Variants in HTR2B observed in about 807,000 individuals in gnomAD.
HTR2B encodes 5-HT 2B receptor.
Under a neutral mutation model 39.8 loss-of-function variants are expected in HTR2B, and 31 were observed. The ratio of observed to expected loss-of-function variants is 0.78; its 90% CI spans 0.58 to 1.05. The LOEUF (loss-of-function observed/expected upper bound fraction) is 1.05. Ranked by LOEUF, HTR2B falls within the 50% of genes least tolerant of loss-of-function variation. HTR2B has a pLI of 0.00. For synonymous variants in HTR2B, 210 were observed against 207.1 expected (o/e 1.01, Z -0.12); for missense variants, 562 against 578.0 (o/e 0.97, Z 0.28).
intron 3 of HTR2B, among the ~76,000 whole-genome samples, chr2:231,109,806 G>C (rs534456924): frequency 6.6e-6 from 1 of 152,312 alleles, no homozygotes; most frequent in South Asian, 2.1e-4. Flanking sequence ...AGTTGATCTA[G>C]AGGCACTTCA....
chr2:231,123,193 G>T (rs1236399319), intron 2 of HTR2B, among the ~76,000 whole-genome samples: 1 of 152,068 alleles, frequency 6.6e-6, no homozygotes, highest in Non-Finnish European at 1.5e-5. Flanking sequence ...GATAGCTTAG[G>T]AGGGAGAAAA....
At chr2:231,109,437 G>T in intron 3 of HTR2B, 28 bp from the exon 4 acceptor site, 1 of 1,600,512 alleles carries the variant, frequency 6.2e-7, no homozygotes, top group South Asian at 1.1e-5. Context: ...AAGATAAATT[G>T]AGTCATTTTA....
Position 231,123,611 on chromosome 2 carries a change from T to C in HTR2B, c.154A>G (p.Asn52Asp). ...EMKQIVEEQGNKLHWAALLIL... is the reference protein window; with the variant it reads ...EMKQIVEEQGDKLHWAALLIL... ...AGAAGAGCTGCCCAGTGCAGTTTAT[T>C]TCCCTGTTCCTCAACAATCTGTTTC... Residue 52 changes from asparagine to aspartate, a missense_variant, in exon 2 of 4, where the codon AAT (asparagine) becomes GAT (aspartate). Coordinates refer to ENST00000258400, the MANE Select transcript of HTR2B (RefSeq NM_000867.5). 6.2e-7 allele frequency: 1 copy of C among 1,614,160 alleles called. No homozygotes were observed. The highest frequency in any genetic ancestry group is 8.5e-7 in the Non-Finnish European group (1 of 1,179,970).
At chr2:231,113,021 C>T (rs1695207821) in intron 3 of HTR2B, among the ~76,000 whole-genome samples, 1 of 151,908 alleles carries the variant, frequency 6.6e-6, no homozygotes, top group Non-Finnish European at 1.5e-5. Context: ...AAAAATTAGC[C>T]AGGCATGGGG....
chr2:231,120,360 G>T (rs564929186), intron 2 of HTR2B, among the ~76,000 whole-genome samples: 10 of 152,268 alleles, frequency 6.6e-5, no homozygotes, highest in Non-Finnish European at 1.2e-4. Flanking sequence ...TTGTTTTCTT[G>T]CTCAAGTATT....
intron 2 of HTR2B, among the ~76,000 whole-genome samples, chr2:231,121,039 G>A (rs1695522357): frequency 1.3e-5 from 2 of 152,140 alleles, no homozygotes; most frequent in Admixed American, 1.3e-4. Flanking sequence ...TTTGAAGTTT[G>A]TTAGAGGGCA....
At chr2:231,116,078 A>G (rs1362199545) in intron 2 of HTR2B, among the ~76,000 whole-genome samples, 1 of 152,182 alleles carries the variant, frequency 6.6e-6, no homozygotes, top group Non-Finnish European at 1.5e-5. Flanking sequence ...AAATTAAGTC[A>G]GAGAAACTGG....
intron 2 of HTR2B, among the ~76,000 whole-genome samples, chr2:231,114,802 C>T (rs921159480): frequency 4.6e-5 from 7 of 152,122 alleles, no homozygotes; most frequent in African/African-American, 1.4e-4. Context: ...GATGTTCATA[C>T]ATATGTGAAT....
At chr2:231,116,022 C>T (rs1338603602) in intron 2 of HTR2B, among the ~76,000 whole-genome samples, 2 of 152,044 alleles carry the variant, frequency 1.3e-5, no homozygotes, top group Admixed American at 1.3e-4. Flanking sequence ...GTTATAGGCA[C>T]TTGGAATGTC....
At chr2:231,111,244 A>G (rs946688647) in intron 3 of HTR2B, among the ~76,000 whole-genome samples, 4 of 152,136 alleles carry the variant, frequency 2.6e-5, no homozygotes, top group African/African-American at 9.7e-5. Context: ...ACTTAGAACA[A>G]TCCCTAAGAT....
chr2:231,111,568 G>A (rs1251279855), intron 3 of HTR2B, among the ~76,000 whole-genome samples: 1 of 152,206 alleles, frequency 6.6e-6, no homozygotes, highest in Admixed American at 6.5e-5. Flanking sequence ...TCCAAAAGAA[G>A]AGAGTGAGCT....
intron 2 of HTR2B, among the ~76,000 whole-genome samples, chr2:231,122,790 T>TA (rs1315441756): frequency 6.6e-6 from 1 of 152,050 alleles, no homozygotes; most frequent in East Asian, 1.9e-4. Flanking sequence ...CCATATATCA[T>TA]AAAAAAATTG....
chr2:231,111,187 CTT>C (rs1695145822), intron 3 of HTR2B, among the ~76,000 whole-genome samples: 1 of 152,278 alleles, frequency 6.6e-6, no homozygotes, highest in South Asian at 2.1e-4. Flanking sequence ...TTCTTGAACT[CTT>C]TGACTCTAAT....
In HTR2B at chr2:231,109,363, G is replaced by A; in HGVS notation, c.600C>T (p.Asp200=). Residue 200 remains aspartate (D), a synonymous_variant, in exon 4 of 4, where the codon GAC becomes GAT. Transcript: ENST00000258400. ...GCACACAAGTGATATTGTTTGGGTT[G>A]TCCACATCAGTCTCTATCCCTTTAA... is the stretch of plus-strand genomic sequence containing the variant. ...VPIKGIETDV[D]NPNNITCVLT... The A allele has an allele frequency of 6.2e-7, 1 of 1,614,114 alleles. No homozygotes were observed. The highest frequency in any genetic ancestry group is 8.5e-7 in the Non-Finnish European group (1 of 1,179,984).
At chr2:231,116,879 G>A (rs1004335336) in intron 2 of HTR2B, among the ~76,000 whole-genome samples, 6 of 151,900 alleles carry the variant, frequency 3.9e-5, no homozygotes, top group Non-Finnish European at 5.9e-5. Context: ...TTCAAGTTTC[G>A]TGAAACACTG....
chr2:231,113,948 A>G lies in HTR2B; in HGVS notation c.353-19T>C, dbSNP rs773689873. 1.2e-6 allele frequency: 2 copies of G among 1,604,344 alleles called. No homozygotes were observed. Among genetic ancestry groups the G allele is most frequent in the Admixed American group, 3.3e-5 (2 of 59,810 alleles). On this transcript the variant is annotated intron_variant, in intron 2 of 3. Coordinates refer to ENST00000258400, the MANE Select transcript of HTR2B (RefSeq NM_000867.5). Reference sequence around the variant, plus strand: ...ATAGCCTCTGAAAGAAACAAAAACAAGACAAACATTTTATTCTATAAAATG... The same window carrying G: ...ATAGCCTCTGAAAGAAACAAAAACAGGACAAACATTTTATTCTATAAAATG...
intron 1 of HTR2B, among the ~76,000 whole-genome samples, 170 bp from the exon 2 acceptor site, chr2:231,124,300 A>G (rs1695661756): frequency 6.6e-6 from 1 of 152,230 alleles, no homozygotes; most frequent in Non-Finnish European, 1.5e-5. Context: ...ATGAAACAGA[A>G]GACACATTAA....
Position 231,108,306 on chromosome 2 carries a change from T to C in HTR2B, c.*211A>G. On this transcript the variant is annotated 3_prime_UTR_variant, in exon 4 of 4. Coordinates refer to ENST00000258400, the MANE Select transcript of HTR2B (RefSeq NM_000867.5). ...CTTAAAATTTAACCAGAGTGCTGGA[T>C]TGTTTTCATTTGTAGCTATATAAAA... 1 of 509,184 alleles carries C rather than the reference T, an allele frequency of 2.0e-6. No individual in the cohort carries two copies. Among genetic ancestry groups the C allele is most frequent in the Non-Finnish European group, 3.5e-6 (1 of 288,792 alleles). 31.5% of individuals were successfully genotyped at this position (509,184 alleles called of 1,614,324 possible). A position where few individuals can be genotyped will look rare whatever the true frequency, so the allele number is the denominator to read the frequency against.
intron 2 of HTR2B, 128 bp downstream of exon 2, chr2:231,123,285 T>G (rs975772373): frequency 2.7e-6 from 2 of 753,588 alleles, no homozygotes; most frequent in Non-Finnish European, 4.7e-6. Flanking sequence ...ACTGTTTACT[T>G]GCCGTATCTT....
Sources: gnomAD v4.1 joint callset for allele counts (sites outside exome capture counted in the v4.1 genomes callset) on GRCh38, gnomAD v4.1.1 for gene constraint, MANE v1.5 for transcripts, NCBI Gene and HGNC (gene_info 2026-07-23, HGNC 2026-07-21) for gene names.